Variants in RAB11FIP2 observed in about 807,000 individuals in gnomAD.
RAB11FIP2 encodes RAB11 family interacting protein 2.
A neutral mutation model predicts 40.9 loss-of-function variants in RAB11FIP2; 16 were observed. That is an observed-to-expected ratio of 0.39 (90% CI 0.26 to 0.59). The LOEUF is 0.59. Among genes scored for constraint, RAB11FIP2 ranks in the 20% least tolerant of loss-of-function variants. The probability of loss-of-function intolerance (pLI) is 0.53; values close to 1 mark genes in which losing one functional copy is unlikely to be tolerated. For missense variants in RAB11FIP2, 532 were observed against 606.2 expected (o/e 0.88, Z 1.28); for synonymous variants, 228 against 213.7 (o/e 1.07, Z -0.58).
At chr10:118,028,195 T>C (rs1393466824) in intron 3 of RAB11FIP2, among the ~76,000 whole-genome samples, 1 of 152,178 alleles carries the variant, frequency 6.6e-6, no homozygotes, top group African/African-American at 2.4e-5. Flanking sequence ...AAGGCCAAGC[T>C]GATTCAACTA....
chr10:118,043,204 C>A (rs554233109), intron 1 of RAB11FIP2, among the ~76,000 whole-genome samples: 10 of 152,064 alleles, frequency 6.6e-5, no homozygotes, highest in South Asian at 2.1e-4. Flanking sequence ...AGTAAGGGTG[C>A]CAGAGGCCAG....
chr10:118,041,691 C>T (rs761120063), intron 1 of RAB11FIP2, among the ~76,000 whole-genome samples: 10 of 152,086 alleles, frequency 6.6e-5, no homozygotes, highest in Non-Finnish European at 7.4e-5. Flanking sequence ...CTCATTGTTA[C>T]CAACTGGATA....
chr10:118,022,338 G>C (rs1046522882), intron 3 of RAB11FIP2, among the ~76,000 whole-genome samples: 1 of 152,080 alleles, frequency 6.6e-6, no homozygotes, highest in Non-Finnish European at 1.5e-5. Context: ...GTCCAATCCA[G>C]CCTATGCATA....
chr10:118,043,061 T>G (rs1015930180), intron 1 of RAB11FIP2, among the ~76,000 whole-genome samples: 3 of 152,030 alleles, frequency 2.0e-5, no homozygotes, highest in African/African-American at 7.2e-5. Flanking sequence ...ACCTCTGGAG[T>G]ACTGGATTTA....
At chr10:118,034,273 G>A (rs1246377856) in intron 3 of RAB11FIP2, among the ~76,000 whole-genome samples, 1 of 151,832 alleles carries the variant, frequency 6.6e-6, no homozygotes, top group Non-Finnish European at 1.5e-5. Flanking sequence ...AGTGTTAAGA[G>A]GACATTCCAT....
rs543123695 is a variant in RAB11FIP2 at position 118,007,852 on chromosome 10, A to G, written c.*1146T>C. On this transcript the variant is annotated 3_prime_UTR_variant, in exon 5 of 5. Transcript: ENST00000355624. ...GAGTAATGCATAATGTCACGCTCGT[A>G]AAGTTCTCTTCTAAAAACTCACTCT... The G allele has an allele frequency of 6.6e-6, 1 of 152,466 alleles. No homozygotes were observed. Among genetic ancestry groups the G allele is most frequent in the African/African-American group, 2.4e-5 (1 of 41,428 alleles). The allele number at this position is 152,466 out of a possible 1,614,324, so 9.4% of individuals were successfully genotyped here. A position where few individuals can be genotyped will look rare whatever the true frequency, so the allele number is the denominator to read the frequency against.
At chr10:118,011,978 G>C (rs1193564449) in intron 4 of RAB11FIP2, among the ~76,000 whole-genome samples, 2 of 151,878 alleles carry the variant, frequency 1.3e-5, no homozygotes, top group Admixed American at 6.6e-5. Flanking sequence ...CTATGAAATA[G>C]TTAAAATAAA....
intron 1 of RAB11FIP2, among the ~76,000 whole-genome samples, chr10:118,045,013 AT>A (rs1436030119): frequency 6.6e-6 from 1 of 152,094 alleles, no homozygotes; most frequent in African/African-American, 2.4e-5. Context: ...TTATATTATG[AT>A]TTTTTAAATT....
At chr10:118,041,263 AC>A (rs1439362895) in intron 1 of RAB11FIP2, among the ~76,000 whole-genome samples, 11 of 151,958 alleles carry the variant, frequency 7.2e-5, no homozygotes, top group Admixed American at 7.2e-4. Context: ...AAAAAAAAAA[AC>A]CTAAAATGCT....
intron 3 of RAB11FIP2, among the ~76,000 whole-genome samples, chr10:118,036,202 A>C (rs1237769968): frequency 1.3e-5 from 2 of 152,210 alleles, no homozygotes; most frequent in East Asian, 3.9e-4. Flanking sequence ...ATCACAAGTG[A>C]GCCAGTTCAC....
Position 118,046,299 on chromosome 10 carries a change from A to C in RAB11FIP2, c.-136T>G. The C allele has an allele frequency of 1.3e-6, 1 of 772,874 alleles. No individual in the cohort carries two copies. Among genetic ancestry groups the C allele is most frequent in the Admixed American group, 2.7e-5 (1 of 37,068 alleles). The allele number at this position is 772,874 out of a possible 1,614,324, so 47.9% of individuals were successfully genotyped here. A position where few individuals can be genotyped will look rare whatever the true frequency, so the allele number is the denominator to read the frequency against. Reference sequence around the variant, plus strand: ...AGGCTCAGGGCTCCCCGACTTCCCTATGGCTGATGTCAAAACGCCTCGCGG... The same window carrying C: ...AGGCTCAGGGCTCCCCGACTTCCCTCTGGCTGATGTCAAAACGCCTCGCGG... On this transcript the variant is annotated 5_prime_UTR_variant, in exon 1 of 5. Coordinates refer to ENST00000355624, the MANE Select transcript of RAB11FIP2 (RefSeq NM_014904.3).
In RAB11FIP2 at chr10:118,008,697, A is replaced by G. The variant is rs548918582; in HGVS notation, c.*301T>C. 1.8e-5 allele frequency: 5 copies of G among 281,828 alleles called. No homozygotes were observed. The highest frequency in any genetic ancestry group is 9.6e-5 in the Admixed American group (2 of 20,822). The allele number at this position is 281,828 out of a possible 1,614,324, so 17.5% of individuals were successfully genotyped here. On this transcript the variant is annotated 3_prime_UTR_variant, in exon 5 of 5. Transcript: ENST00000355624. ...AGGAACAACTCACGTACTTCTGAAG[A>G]TATTTCTGGGCCTATGGCAGATTAG...
At chr10:118,043,518 C>T (rs1846588750) in intron 1 of RAB11FIP2, 2 of 152,152 alleles carry the variant, frequency 1.3e-5, no homozygotes, top group South Asian at 4.1e-4. Flanking sequence ...CTGGCTCAGA[C>T]CCTTTTTCCC....
chr10:118,011,846 T>C (rs913515288), intron 4 of RAB11FIP2, among the ~76,000 whole-genome samples: 1 of 152,078 alleles, frequency 6.6e-6, no homozygotes, highest in Non-Finnish European at 1.5e-5. Flanking sequence ...ATGGGATTCA[T>C]TACTGATTAG....
chr10:118,015,338 GAAGA>G (rs1303888119), intron 3 of RAB11FIP2, among the ~76,000 whole-genome samples: 1 of 152,114 alleles, frequency 6.6e-6, no homozygotes, highest in Non-Finnish European at 1.5e-5. Context: ...TATCAGAACT[GAAGA>G]ATGAAATAGG....
At chr10:118,035,959 T>C (rs979220713) in intron 3 of RAB11FIP2, among the ~76,000 whole-genome samples, 16 of 152,262 alleles carry the variant, frequency 1.1e-4, no homozygotes, top group African/African-American at 3.8e-4. Flanking sequence ...ATCAGTTTTA[T>C]GTAAAACTAT....
At chr10:118,024,327 C>CA (rs1846316149) in intron 3 of RAB11FIP2, among the ~76,000 whole-genome samples, 1 of 151,978 alleles carries the variant, frequency 6.6e-6, no homozygotes, top group African/African-American at 2.4e-5. Context: ...CTAATATAAT[C>CA]ATGTGTCTCT....
At chr10:118,031,202 A>C (rs1846409121) in intron 3 of RAB11FIP2, among the ~76,000 whole-genome samples, 1 of 152,144 alleles carries the variant, frequency 6.6e-6, no homozygotes. Context: ...AATCCTTTGC[A>C]TATTAAGGTT....
intron 3 of RAB11FIP2, among the ~76,000 whole-genome samples, chr10:118,029,677 G>A (rs1243817957): frequency 6.6e-6 from 1 of 151,840 alleles, no homozygotes; most frequent in African/African-American, 2.4e-5. Flanking sequence ...ATCCTGATGG[G>A]CTAGAGTAGC....
Sources: gnomAD v4.1 joint callset for allele counts (sites outside exome capture counted in the v4.1 genomes callset) on GRCh38, gnomAD v4.1.1 for gene constraint, MANE v1.5 for transcripts, NCBI Gene and HGNC (gene_info 2026-07-23, HGNC 2026-07-21) for gene names.